NHSL1: variants seen among roughly 807,000 people sequenced by gnomAD.
NHSL1 encodes NHS like 1.
Under a neutral mutation model 95.0 loss-of-function variants are expected in NHSL1, and 48 were observed. The ratio of observed to expected loss-of-function variants is 0.51; its 90% CI spans 0.40 to 0.64. The LOEUF (loss-of-function observed/expected upper bound fraction) is 0.64. NHSL1 is among the 30% of genes least tolerant of loss of function. NHSL1 has a pLI of 0.00. For missense variants in NHSL1, 1,971 were observed against 2,077.7 expected (o/e 0.95, Z 1.00); for synonymous variants, 783 against 833.9 (o/e 0.94, Z 1.05).
intron 3 of NHSL1, among the ~76,000 whole-genome samples, chr6:138,454,365 ATT>A (rs1245379556): frequency 6.6e-6 from 1 of 152,116 alleles, no homozygotes; most frequent in African/African-American, 2.4e-5. Context: ...ATTTATTCAC[ATT>A]TTTTATTGAT....
In NHSL1 at chr6:138,490,916, G is replaced by A. The variant is rs867050930; in HGVS notation, c.211+5303C>T. ...CAAAGTACTGGGATTATAGGCGTGA[G>A]CCACCGCGCCTGGATGGTAAATCAT... is the stretch of plus-strand genomic sequence containing the variant. On this transcript the variant is annotated intron_variant, in intron 2 of 7. Transcript: ENST00000343505. 6.6e-5 allele frequency among the ~76,000 whole-genome samples: 10 copies of A among 152,224 alleles called. No individual in the cohort carries two copies. The East Asian group carries it at 1.2e-3, about 18-fold the overall frequency.
intron 3 of NHSL1, chr6:138,464,335 C>A (rs1009059462): frequency 8.8e-6 from 5 of 566,712 alleles, no homozygotes; most frequent in Non-Finnish European, 1.6e-5. Flanking sequence ...TGGAGCTCCA[C>A]GGCCTGGAGG....
intron 1 of NHSL1, among the ~76,000 whole-genome samples, chr6:138,674,173 T>C (rs1162319845): frequency 1.3e-5 from 2 of 152,164 alleles, no homozygotes; most frequent in African/African-American, 4.8e-5. Flanking sequence ...TTAAAATATA[T>C]CCTTTATTAG....
At chr6:138,602,246 C>A (rs1784381479) in intron 1 of NHSL1, among the ~76,000 whole-genome samples, 1 of 152,144 alleles carries the variant, frequency 6.6e-6, no homozygotes, top group African/African-American at 2.4e-5. Flanking sequence ...TTTTATCCAT[C>A]AGCATTTTGT....
intron 1 of NHSL1, among the ~76,000 whole-genome samples, chr6:138,522,487 C>T (rs1781723413): frequency 6.6e-6 from 1 of 152,108 alleles, no homozygotes; most frequent in African/African-American, 2.4e-5. Flanking sequence ...ACTAAAAATA[C>T]AAAAATTACT....
chr6:138,633,077 CAG>C (rs1158452004), intron 1 of NHSL1, among the ~76,000 whole-genome samples: 2 of 152,046 alleles, frequency 1.3e-5, no homozygotes, highest in East Asian at 3.9e-4. Flanking sequence ...AAGAATGCAT[CAG>C]AGTCTTTTAA....
chr6:138,554,315 C>T (rs1486230940), intron 1 of NHSL1, among the ~76,000 whole-genome samples: 1 of 152,114 alleles, frequency 6.6e-6, no homozygotes, highest in Admixed American at 6.6e-5. Flanking sequence ...GGACCCTCCA[C>T]CCACCAAAAA....
intron 2 of NHSL1, among the ~76,000 whole-genome samples, chr6:138,484,370 A>G (rs1779601925): frequency 6.6e-6 from 1 of 152,144 alleles, no homozygotes; most frequent in African/African-American, 2.4e-5. Flanking sequence ...AAGGAATGAT[A>G]AGCAGACTGC....
chr6:138,490,905 T>C (rs1396883738), intron 2 of NHSL1, among the ~76,000 whole-genome samples: 1 of 152,242 alleles, frequency 6.6e-6, no homozygotes, highest in Non-Finnish European at 1.5e-5. Context: ...GTACTGGGAT[T>C]ATAGGCGTGA....
Position 138,431,185 on chromosome 6 carries a change from G to A in NHSL1, c.3160C>T (p.Pro1054Ser). 2 of 1,547,492 alleles carry A rather than the reference G, an allele frequency of 1.3e-6. No homozygotes were observed. The highest frequency in any genetic ancestry group is 2.5e-5 in the East Asian group (1 of 40,784). ...CTGCTGGTCTCCTCCTTGGTAGAAGGCGGCCTCAAGGATCCCCGGGAGGAT... is the reference window on the plus strand; with the variant it reads ...CTGCTGGTCTCCTCCTTGGTAGAAGACGGCCTCAAGGATCCCCGGGAGGAT... ...PESSRGSLRP[P>S]STKEETSRPP... The change falls in exon 6 of 8, where the codon CCT becomes TCT. Residue 1054 changes from proline (P) to serine (S), a missense_variant. By Grantham distance (74) the Pro-to-Ser change is moderately conservative. This residue lies in a region of NHSL1 where 1,602 missense variants were observed against 1,654.5 expected (regional missense o/e 0.97). Transcript: ENST00000343505. The surrounding 1 kb of genome is among the most constrained non-coding windows in gnomAD (Gnocchi z 4.0).
chr6:138,499,154 CACACAG>C (rs904216919), intron 1 of NHSL1, 73 bp downstream of exon 1: 8,412 of 547,030 alleles, frequency 0.015, 5 homozygotes, highest in South Asian at 0.039. Context: ...CACACACACA[CACACAG>C]ACACACAGGG....
At chr6:138,658,069 A>C (rs1024912896) in intron 1 of NHSL1, among the ~76,000 whole-genome samples, 5 of 152,162 alleles carry the variant, frequency 3.3e-5, no homozygotes, top group Non-Finnish European at 7.4e-5. Context: ...TGAAGTCTCT[A>C]GCTGTTACTG....
chr6:138,522,196 T>G (rs933694642), intron 1 of NHSL1, among the ~76,000 whole-genome samples: 3 of 152,080 alleles, frequency 2.0e-5, no homozygotes, highest in African/African-American at 7.2e-5. Context: ...ATTATTAAAT[T>G]TTGCTCTGAA....
chr6:138,484,274 G>A (rs1057227579), intron 2 of NHSL1, among the ~76,000 whole-genome samples: 15 of 152,126 alleles, frequency 9.9e-5, no homozygotes, highest in South Asian at 2.1e-4. Flanking sequence ...AAGTGTAGGC[G>A]GGGAGTAAGA....
At chr6:138,524,008 T>C (rs1351518484) in intron 1 of NHSL1, among the ~76,000 whole-genome samples, 3 of 152,208 alleles carry the variant, frequency 2.0e-5, no homozygotes, top group African/African-American at 7.2e-5. Context: ...GCTGTGATTA[T>C]GCCCATTTTT....
upstream of NHSL1, among the ~76,000 whole-genome samples, chr6:138,503,832 GC>G (rs993853050): frequency 6.6e-6 from 1 of 151,756 alleles, no homozygotes; most frequent in African/African-American, 2.4e-5. Flanking sequence ...AATCTGCTTT[GC>G]CCCCCAAACT....
rs563748298 is a variant in NHSL1, at chr6:138,506,077, C to T, written c.17-9706G>A. ...TTGGAAAACATCACAGCAGAAAGCA[C>T]AACCCATGCATTCTGGGCCAATAAA... On this transcript the variant is annotated intron_variant, in intron 1 of 4. Transcript: ENST00000342260. 2.6e-5 allele frequency among the ~76,000 whole-genome samples: 4 copies of T among 152,268 alleles called. No individual in the cohort carries two copies. In the East Asian group the frequency reaches 5.8e-4, roughly 22 times the overall value.
intron 1 of NHSL1, among the ~76,000 whole-genome samples, chr6:138,504,949 C>T (rs1221389787): frequency 1.3e-5 from 2 of 152,154 alleles, no homozygotes; most frequent in African/African-American, 4.8e-5. Flanking sequence ...AAAATTAAAC[C>T]TTGGCCACTT....
intron 1 of NHSL1, among the ~76,000 whole-genome samples, chr6:138,517,400 C>T (rs1781500984): frequency 6.6e-6 from 1 of 152,196 alleles, no homozygotes; most frequent in Non-Finnish European, 1.5e-5. Flanking sequence ...AAAAAGCTTT[C>T]TCTGTATTCA....
Sources: allele counts gnomAD v4.1 joint callset (sites outside exome capture counted in the v4.1 genomes callset), GRCh38; gene constraint gnomAD v4.1.1; regional missense constraint gnomAD v4.1.1; non-coding constraint Gnocchi (gnomAD v3.1); transcripts MANE v1.5; gene names NCBI Gene and HGNC (gene_info 2026-07-23, HGNC 2026-07-21).